XRCC6: variants seen among roughly 807,000 people sequenced by gnomAD.
XRCC6 encodes the protein DNA repair protein Ku70.
Under a neutral mutation model 65.7 loss-of-function variants are expected in XRCC6, and 5 were observed. The observed-to-expected ratio is 0.08, with a 90% CI of 0.04 to 0.16. The LOEUF is 0.16. XRCC6 is among the 10% of genes least tolerant of loss of function. XRCC6 has a pLI of 1.00. For missense variants in XRCC6, 447 were observed against 738.1 expected (o/e 0.61, Z 4.57); for synonymous variants, 270 against 270.6 (o/e 1.00, Z 0.02).
chr22:41,647,890 G>T (rs1457907532), intron 7 of XRCC6, among the ~76,000 whole-genome samples: 4 of 152,200 alleles, frequency 2.6e-5, no homozygotes, highest in African/African-American at 9.6e-5. Flanking sequence ...CTTTCTTACT[G>T]AATTTTCTCC....
chr22:41,643,395 C>T (rs1486905457), intron 6 of XRCC6, among the ~76,000 whole-genome samples: 4 of 150,888 alleles, frequency 2.7e-5, no homozygotes, highest in East Asian at 2.0e-4. Flanking sequence ...GGCGACAGAG[C>T]GAGACTCCAT....
chr22:41,642,243 C>T (rs1363709847), intron 6 of XRCC6, among the ~76,000 whole-genome samples: 4 of 152,084 alleles, frequency 2.6e-5, no homozygotes, highest in African/African-American at 4.8e-5. Context: ...CTGGATCATA[C>T]AGTAGTTTTC....
At chr22:41,635,196 T>C (rs973151541) in intron 3 of XRCC6, among the ~76,000 whole-genome samples, 1 of 152,234 alleles carries the variant, frequency 6.6e-6, no homozygotes, top group Non-Finnish European at 1.5e-5. Flanking sequence ...TTACTCATAG[T>C]ACCTAATACA....
chr22:41,630,963 C>G (rs1424219650), intron 3 of XRCC6, among the ~76,000 whole-genome samples: 1 of 152,236 alleles, frequency 6.6e-6, no homozygotes, highest in African/African-American at 2.4e-5. Context: ...GGCCCGTTCT[C>G]AATGAGCTGT....
At chr22:41,645,576 G>C (rs73424914) in intron 6 of XRCC6, among the ~76,000 whole-genome samples, 10,084 of 152,000 alleles carry the variant, frequency 0.066, 1,080 homozygotes, top group African/African-American at 0.23. Context: ...AGCAACTTGA[G>C]TTTGACTAAC....
intron 12 of XRCC6, among the ~76,000 whole-genome samples, chr22:41,662,435 C>T (rs1601560792): frequency 6.6e-6 from 1 of 152,162 alleles, no homozygotes; most frequent in African/African-American, 2.4e-5. Flanking sequence ...ATACATATTT[C>T]AGCACAAATG....
intron 2 of XRCC6, among the ~76,000 whole-genome samples, chr22:41,622,871 G>A (rs1459231273): frequency 1.3e-5 from 2 of 151,912 alleles, no homozygotes; most frequent in Non-Finnish European, 2.9e-5. Flanking sequence ...TGCGAACCTG[G>A]GAGGTGGAGC....
intron 10 of XRCC6, among the ~76,000 whole-genome samples, chr22:41,657,488 AATTT>A (rs1047641327): frequency 8.0e-6 from 1 of 125,626 alleles, no homozygotes; most frequent in African/African-American, 2.9e-5. Context: ...CATTTTTAAA[AATTT>A]ATTATTATTA....
chr22:41,628,300 T>A, intron 3 of XRCC6, 70 bp downstream of exon 3: 1 of 1,340,600 alleles, frequency 7.5e-7, no homozygotes, highest in Non-Finnish European at 1.0e-6. Flanking sequence ...GGCTCATGCC[T>A]GTAATCTCAG....
rs775525989 is a variant in XRCC6 at position 41,637,696 on chromosome 22, T to C, written c.678T>C (p.Asp226=). 9 of 1,613,558 alleles carry C rather than the reference T, an allele frequency of 5.6e-6. No homozygotes were observed. Among genetic ancestry groups the C allele is most frequent in the African/African-American group, 1.3e-5 (1 of 74,898 alleles). Residue 226 remains aspartate (D), a synonymous_variant, in exon 6 of 13, where the codon GAT becomes GAC. Coordinates refer to ENST00000360079, the MANE Select transcript of XRCC6 (RefSeq NM_001469.5). The part of the protein sequence containing the change: ...FYRDIISIAE[D]EDLRVHFEES... The stretch of plus-strand genomic sequence containing the variant: ...GAGATATCATCAGCATAGCAGAGGA[T>C]GAGGACCTCAGGGTTCACTTTGAGG...
intron 10 of XRCC6, among the ~76,000 whole-genome samples, chr22:41,657,463 A>AT (rs2068054875): frequency 6.7e-6 from 1 of 149,690 alleles, no homozygotes; most frequent in Admixed American, 6.7e-5. Context: ...ACTAAACGTA[A>AT]TTTTTTTCAC....
At chr22:41,652,709 T>G (rs1420788623) in intron 8 of XRCC6, among the ~76,000 whole-genome samples, 2 of 152,090 alleles carry the variant, frequency 1.3e-5, no homozygotes, top group Admixed American at 6.6e-5. Flanking sequence ...AGTCTCACTC[T>G]GTCGCCCAGG....
At chr22:41,633,467 C>T (rs569477434) in intron 3 of XRCC6, among the ~76,000 whole-genome samples, 1 of 151,750 alleles carries the variant, frequency 6.6e-6, no homozygotes, top group East Asian at 1.9e-4. Flanking sequence ...AGCTCTGCCT[C>T]CTGGGTTCAC....
chr22:41,636,856 C>G, intron 5 of XRCC6, 86 bp downstream of exon 5: 1 of 1,471,776 alleles, frequency 6.8e-7, no homozygotes, highest in Non-Finnish European at 9.0e-7. Flanking sequence ...GGAGTCTTGG[C>G]TCAGCCTCAG....
chr22:41,635,759 C>T (rs1171202056), intron 3 of XRCC6, among the ~76,000 whole-genome samples: 1 of 151,588 alleles, frequency 6.6e-6, no homozygotes, highest in Non-Finnish European at 1.5e-5. Flanking sequence ...CCAGGCTGGT[C>T]TCGATCTCCT....
At chr22:41,630,430 C>T (rs574893851) in intron 3 of XRCC6, among the ~76,000 whole-genome samples, 2 of 151,880 alleles carry the variant, frequency 1.3e-5, no homozygotes, top group South Asian at 4.2e-4. Flanking sequence ...GTATTAAATA[C>T]CTCTTAATTG....
intron 10 of XRCC6, among the ~76,000 whole-genome samples, chr22:41,657,404 C>A (rs1290071169): frequency 6.6e-6 from 1 of 151,712 alleles, no homozygotes; most frequent in African/African-American, 2.4e-5. Context: ...TCAAGTCATT[C>A]CCTCTCACAT....
At chr22:41,644,767 G>T (rs1290142531) in intron 6 of XRCC6, among the ~76,000 whole-genome samples, 1 of 151,984 alleles carries the variant, frequency 6.6e-6, no homozygotes, top group Non-Finnish European at 1.5e-5. Context: ...AGGATTACAG[G>T]CATGAGCCAC....
intron 3 of XRCC6, among the ~76,000 whole-genome samples, chr22:41,631,411 C>T (rs184675330): frequency 0.019 from 2,782 of 149,290 alleles, 86 homozygotes; most frequent in African/African-American, 0.065. Context: ...ACTTCTCCGA[C>T]GGGGCGGTTG....
Sources: gnomAD v4.1 joint callset for allele counts (sites outside exome capture counted in the v4.1 genomes callset) on GRCh38, gnomAD v4.1.1 for gene constraint, MANE v1.5 for transcripts, NCBI Gene and HGNC (gene_info 2026-07-23, HGNC 2026-07-21) for gene names.